The following DPP6 variants were observed in gnomAD, a reference collection of about 807,000 sequenced individuals.
The protein encoded by DPP6 is dipeptidyl peptidase like 6, also known as A-type potassium channel modulatory protein DPP6.
Under a neutral mutation model 122.6 loss-of-function variants are expected in DPP6, and 69 were observed. The ratio of observed to expected loss-of-function variants is 0.56; its 90% CI spans 0.46 to 0.69. DPP6 has a LOEUF of 0.69. DPP6 is among the 30% of genes least tolerant of loss of function. The probability of loss-of-function intolerance (pLI) is 0.00; values close to 1 mark genes in which losing one functional copy is unlikely to be tolerated. For missense variants in DPP6, 928 were observed against 1,116.9 expected, an observed-to-expected ratio of 0.83 and a Z score of 2.41; for synonymous variants, 418 against 433.1, an observed-to-expected ratio of 0.97 and a Z score of 0.43.
At chr7:154,352,947 T>C (rs1810995756) in intron 1 of DPP6, among the ~76,000 whole-genome samples, 2 of 152,254 alleles carry the variant, frequency 1.3e-5, no homozygotes, top group African/African-American at 4.8e-5. Flanking sequence ...CCTGACCAAT[T>C]TGCTTCTGCC....
intron 2 of DPP6, among the ~76,000 whole-genome samples, chr7:154,459,038 G>T (rs1388223935): frequency 6.6e-6 from 1 of 152,042 alleles, no homozygotes; most frequent in Non-Finnish European, 1.5e-5. Flanking sequence ...CTCCAGTATT[G>T]ACTTAATTCT....
intron 13 of DPP6, among the ~76,000 whole-genome samples, chr7:154,802,032 G>A (rs983531886): frequency 1.3e-5 from 2 of 152,014 alleles, no homozygotes; most frequent in African/African-American, 4.8e-5. Flanking sequence ...TAGACATCTC[G>A]GGGTCACCAT....
At chr7:154,700,552 A>G (rs1320528792) in intron 7 of DPP6, among the ~76,000 whole-genome samples, 1 of 152,240 alleles carries the variant, frequency 6.6e-6, no homozygotes, top group East Asian at 1.9e-4. Flanking sequence ...CTGCTGTTGC[A>G]CGTGATTTTC....
At chr7:154,163,827 T>A (rs2150712900) in intron 1 of DPP6, among the ~76,000 whole-genome samples, 1 of 152,286 alleles carries the variant, frequency 6.6e-6, no homozygotes, top group Non-Finnish European at 1.5e-5. Context: ...ACTGTGCAGG[T>A]GTGTGCAGTG....
the DPP6 span, among the ~76,000 whole-genome samples, chr7:153,792,041 T>G: frequency 6.6e-6 from 1 of 152,242 alleles, no homozygotes; most frequent in Non-Finnish European, 1.5e-5. Context: ...TCTTGTCTTT[T>G]GTGATAAGGA....
chr7:154,226,134 CAG>C (rs1304266986), intron 1 of DPP6, among the ~76,000 whole-genome samples: 8 of 152,090 alleles, frequency 5.3e-5, no homozygotes, highest in South Asian at 4.2e-4. Flanking sequence ...GGAAGAGGAA[CAG>C]GGGAGGAGAA....
chr7:154,870,063 T>G (rs1326379501), intron 18 of DPP6, among the ~76,000 whole-genome samples: 1 of 151,738 alleles, frequency 6.6e-6, no homozygotes, highest in Non-Finnish European at 1.5e-5. Context: ...TACTGCAGCC[T>G]TGACCTCCCG....
intron 1 of DPP6, among the ~76,000 whole-genome samples, chr7:154,271,738 A>C (rs1204744446): frequency 6.6e-6 from 1 of 152,242 alleles, no homozygotes; most frequent in African/African-American, 2.4e-5. Flanking sequence ...GATACAAGGC[A>C]TCAGGCTGCC....
chr7:154,649,366 A>G (rs1340243263), intron 6 of DPP6, among the ~76,000 whole-genome samples: 1 of 152,218 alleles, frequency 6.6e-6, no homozygotes, highest in Admixed American at 6.5e-5. Flanking sequence ...TTTTCATCCA[A>G]CGTGTTTTCC....
rs932008871 is a variant in DPP6, at chr7:154,601,189, G to A, written c.627+34273G>A. On this transcript the variant is annotated intron_variant, in intron 5 of 25. Transcript: ENST00000377770. ...CAGGGTCTTGAAGGTGTGTATGTAT[G>A]CTGATGCACTTGGATGACCTGTTGT... Among the ~76,000 whole-genome samples the A allele has an allele frequency of 4.1e-5, 5 of 121,706 alleles. 2 individuals are homozygous for A. The highest frequency in any genetic ancestry group is 3.7e-5 in the Non-Finnish European group (2 of 53,848). The allele number at this position is 121,706 out of a possible 152,430, so 79.8% of individuals were successfully genotyped here.
At chr7:153,964,900 C>CTT (rs1795585075) in intron 1 of DPP6, among the ~76,000 whole-genome samples, 1 of 109,854 alleles carries the variant, frequency 9.1e-6, no homozygotes, top group Non-Finnish European at 1.8e-5. Context: ...CTTTCTTTCC[C>CTT]TTCTTTTCTT....
At chr7:153,855,621 A>G in the DPP6 span, among the ~76,000 whole-genome samples, 10 of 152,196 alleles carry the variant, frequency 6.6e-5, no homozygotes, top group Non-Finnish European at 8.8e-5. Context: ...AGAGATTTCT[A>G]GTCTTATTGA....
At chr7:154,439,661 A>T (rs969158038) in intron 1 of DPP6, among the ~76,000 whole-genome samples, 1 of 151,408 alleles carries the variant, frequency 6.6e-6, no homozygotes, top group African/African-American at 2.4e-5. Flanking sequence ...GTTAACAGAT[A>T]GCTATTGCAT....
intron 1 of DPP6, among the ~76,000 whole-genome samples, chr7:154,174,370 G>C (rs1797688484): frequency 6.6e-6 from 1 of 152,224 alleles, no homozygotes; most frequent in Non-Finnish European, 1.5e-5. Context: ...AATTTACCAT[G>C]TTAACTGTTT....
intron 1 of DPP6, among the ~76,000 whole-genome samples, chr7:154,340,073 G>T (rs547196923): frequency 6.6e-6 from 1 of 151,230 alleles, no homozygotes; most frequent in Non-Finnish European, 1.5e-5. Context: ...ACTCCACCTC[G>T]CAAAGAAAAA....
At chr7:154,437,450 C>T (rs918858394) in intron 1 of DPP6, among the ~76,000 whole-genome samples, 3 of 152,186 alleles carry the variant, frequency 2.0e-5, no homozygotes, top group Admixed American at 2.0e-4. Flanking sequence ...CTTAAATTAG[C>T]TTCCTCCTGT....
intron 19 of DPP6, 145 bp downstream of exon 19, chr7:154,872,838 A>C: frequency 1.4e-6 from 2 of 1,452,724 alleles, no homozygotes; most frequent in Non-Finnish European, 1.9e-6. Flanking sequence ...GTTTAGCCCA[A>C]TGTCAGGTTC....
chr7:154,116,684 T>C (rs1807011791), intron 1 of DPP6, among the ~76,000 whole-genome samples: 1 of 152,236 alleles, frequency 6.6e-6, no homozygotes, highest in African/African-American at 2.4e-5. Context: ...CCTTATGTCA[T>C]TTCTGATCTA....
Position 154,474,945 on chromosome 7 carries a change from A to T in DPP6, c.365A>T (p.Asp122Val). 1 of 1,613,022 alleles carries T rather than the reference A, an allele frequency of 6.2e-7. No homozygotes were observed. The highest frequency in any genetic ancestry group is 8.5e-7 in the Non-Finnish European group (1 of 1,179,118). ...TSVILLTPAEDNSLSQKKKVT... is the reference protein window; with the variant it reads ...TSVILLTPAEVNSLSQKKKVT... ...GCTTTTTATTTTTTTCTAGCGGAAG[A>T]TAATAGTCTGTCTCAAAAGAAGAAG... The change falls in exon 3 of 26, where the codon GAT becomes GTT. Residue 122 changes from aspartate (D) to valine (V), a missense_variant. Transcript: ENST00000377770.
Sources: allele counts gnomAD v4.1 joint callset (sites outside exome capture counted in the v4.1 genomes callset), GRCh38; gene constraint gnomAD v4.1.1; transcripts MANE v1.5; gene names NCBI Gene and HGNC (gene_info 2026-07-23, HGNC 2026-07-21).